INSL6: variants seen among roughly 807,000 people sequenced by gnomAD.
The protein encoded by INSL6 is insulin-like peptide INSL6.
In INSL6, 16 loss-of-function variants were observed where a neutral mutation model predicts 9.4. The ratio of observed to expected loss-of-function variants is 1.70; its 90% CI spans 1.15 to 2.59. INSL6 has a LOEUF of 2.59. Among genes scored for constraint, INSL6 ranks in the 30% most tolerant of loss-of-function variants. The pLI is 0.00. For missense variants in INSL6, 391 were observed against 257.3 expected, an observed-to-expected ratio of 1.52 and a Z score of -3.56; for synonymous variants, 154 against 96.9, an observed-to-expected ratio of 1.59 and a Z score of -3.46.
chr9:5,092,821 G>C, the INSL6 span, among the ~76,000 whole-genome samples: 1 of 152,096 alleles, frequency 6.6e-6, no homozygotes, highest in African/African-American at 2.4e-5. Flanking sequence ...GTCCAAGATA[G>C]AATCTTAGTT....
At chr9:5,040,967 A>G in the INSL6 span, 1 of 569,098 alleles carries the variant, frequency 1.8e-6, no homozygotes, top group Non-Finnish European at 3.3e-6. Context: ...TATACAAACA[A>G]ATATGTGGCT....
intron 1 of INSL6, among the ~76,000 whole-genome samples, chr9:5,175,879 T>A (rs113090224): frequency 2.0e-5 from 3 of 152,066 alleles, no homozygotes; most frequent in Admixed American, 1.3e-4. Context: ...TGGTAAATTG[T>A]ATAATTATTT....
the INSL6 span, among the ~76,000 whole-genome samples, chr9:5,042,381 C>T: frequency 6.6e-5 from 10 of 152,182 alleles, no homozygotes; most frequent in East Asian, 1.9e-3. Flanking sequence ...TCATGATCCA[C>T]CCGCCTCGGC....
intron 1 of INSL6, among the ~76,000 whole-genome samples, chr9:5,182,816 ATGTCAACTT>A (rs1422554295): frequency 6.6e-6 from 1 of 152,206 alleles, no homozygotes; most frequent in Non-Finnish European, 1.5e-5. Context: ...TAGAAATATG[ATGTCAACTT>A]CATGGTGCCA....
intron 2 of INSL6, among the ~76,000 whole-genome samples, chr9:5,138,703 A>C (rs546013926): frequency 6.8e-6 from 1 of 147,188 alleles, no homozygotes; most frequent in East Asian, 2.0e-4. Context: ...CACTTTCGGT[A>C]CATGTACCCC....
At chr9:5,038,359 A>T in the INSL6 span, among the ~76,000 whole-genome samples, 1 of 152,188 alleles carries the variant, frequency 6.6e-6, no homozygotes, top group South Asian at 2.1e-4. Context: ...ACACATTAAA[A>T]AAATTATTAC....
the INSL6 span, among the ~76,000 whole-genome samples, chr9:5,040,477 C>A: frequency 6.6e-6 from 1 of 152,232 alleles, no homozygotes. Flanking sequence ...TTAAAAACAT[C>A]TGTGTGTCAA....
At chr9:5,058,161 A>G in the INSL6 span, among the ~76,000 whole-genome samples, 1 of 152,296 alleles carries the variant, frequency 6.6e-6, no homozygotes, top group East Asian at 1.9e-4. Flanking sequence ...GGGTGTACAA[A>G]TATCTCTTGA....
At chr9:5,047,478 C>T in the INSL6 span, among the ~76,000 whole-genome samples, 2 of 152,132 alleles carry the variant, frequency 1.3e-5, no homozygotes, top group East Asian at 3.8e-4. Flanking sequence ...GACATGTGAA[C>T]AACTTTTAAT....
chr9:5,146,000 T>A (rs894751519), intron 2 of INSL6, among the ~76,000 whole-genome samples: 1 of 152,182 alleles, frequency 6.6e-6, no homozygotes. Context: ...AGAAGTGATG[T>A]GGTCATTTGG....
At chr9:5,065,024 T>G in the INSL6 span, 10 of 1,590,084 alleles carry the variant, frequency 6.3e-6, no homozygotes, top group African/African-American at 1.4e-5. Flanking sequence ...ACAAAGCAAC[T>G]GTCATGGCCC....
At chr9:5,048,483 G>C in the INSL6 span, among the ~76,000 whole-genome samples, 12 of 152,074 alleles carry the variant, frequency 7.9e-5, no homozygotes, top group African/African-American at 2.9e-4. Flanking sequence ...CTATTAAAAA[G>C]AATCTACCAA....
At chr9:5,100,211 G>A in the INSL6 span, 1 of 152,140 alleles carries the variant, frequency 6.6e-6, no homozygotes, top group African/African-American at 2.4e-5. Flanking sequence ...CTACTAGTAA[G>A]CCTTTATCTA....
At chr9:5,168,765 A>G (rs1233780117) in intron 1 of INSL6, among the ~76,000 whole-genome samples, 4 of 151,322 alleles carry the variant, frequency 2.6e-5, no homozygotes, top group African/African-American at 9.8e-5. Flanking sequence ...AGATCAGCCC[A>G]ATGACATATA....
rs1483516582 is a variant in INSL6, at chr9:5,164,242, C to T, written c.313G>A (p.Val105Ile). 9 of 1,605,790 alleles carry T rather than the reference C, an allele frequency of 5.6e-6. No homozygotes were observed. Among genetic ancestry groups the T allele is most frequent in the Non-Finnish European group, 7.6e-6 (9 of 1,176,756 alleles). ...NPVSTSWEEA[V>I]NSWEMQSLPE... ...AGTGACTGCATTTCCCAACTGTTTA[C>T]TGCTTCTTCCCAAGAAGTAGACACT... The change falls in exon 2 of 2, where the codon GTA becomes ATA. Residue 105 changes from valine (V) to isoleucine (I), a missense_variant. Transcript: ENST00000381641.
At chr9:5,127,612 C>G (rs558506012) in intron 3 of INSL6, 6 of 231,794 alleles carry the variant, frequency 2.6e-5, no homozygotes, top group African/African-American at 1.1e-4. Context: ...GAACAGTTTT[C>G]TTTTAAAATT....
the INSL6 span, chr9:5,090,482 C>T: frequency 6.3e-7 from 1 of 1,574,886 alleles, no homozygotes; most frequent in South Asian, 1.2e-5. Context: ...GAATATTTAC[C>T]ATATGGAAGT....
chr9:5,036,896 A>G, the INSL6 span, among the ~76,000 whole-genome samples: 1 of 152,228 alleles, frequency 6.6e-6, no homozygotes, highest in East Asian at 1.9e-4. Context: ...TCTGCACAGC[A>G]AAAGAAACTA....
the INSL6 span, among the ~76,000 whole-genome samples, chr9:5,092,375 G>C: frequency 6.6e-6 from 1 of 152,076 alleles, no homozygotes; most frequent in Non-Finnish European, 1.5e-5. Flanking sequence ...GTCGTAATAT[G>C]GTAAGTGTAC....
Sources: allele counts gnomAD v4.1 joint callset (sites outside exome capture counted in the v4.1 genomes callset), GRCh38; gene constraint gnomAD v4.1.1; transcripts MANE v1.5; gene names NCBI Gene and HGNC (gene_info 2026-07-23, HGNC 2026-07-21).